Variants in ITPR1 observed in about 807,000 individuals in gnomAD.
The protein encoded by ITPR1 is inositol 1,4,5-trisphosphate receptor type 1, also known as inositol 1,4,5-trisphosphate-gated calcium channel ITPR1.
ITPR1 carries 96 observed loss-of-function variants against 318.4 expected under a neutral mutation model. The observed-to-expected ratio is 0.30, with a 90% confidence interval of 0.26 to 0.36. The LOEUF (loss-of-function observed/expected upper bound fraction) is 0.36. Ranked by LOEUF, ITPR1 falls within the 10% of genes least tolerant of loss-of-function variation. The pLI is 1.00. For missense variants in ITPR1, 2,440 were observed against 3,460.2 expected (o/e 0.71, Z 7.40); for synonymous variants, 1,312 against 1,289.9 (o/e 1.02, Z -0.37).
intron 4 of ITPR1, among the ~76,000 whole-genome samples, chr3:4,556,492 A>C (rs2086142557): frequency 3.4e-5 from 5 of 148,672 alleles, no homozygotes; most frequent in East Asian, 2.0e-4. Context: ...AACCCCTGGC[A>C]ACTACTGATT....
chr3:4,684,727 G>C (rs1217101509), intron 29 of ITPR1, among the ~76,000 whole-genome samples: 2 of 152,194 alleles, frequency 1.3e-5, no homozygotes, highest in East Asian at 1.9e-4. Flanking sequence ...GCGTACGCTG[G>C]TTCAAAGTTG....
At chr3:4,773,950 C>T (rs113986366) in intron 46 of ITPR1, among the ~76,000 whole-genome samples, 50 of 152,276 alleles carry the variant, frequency 3.3e-4, no homozygotes, top group Admixed American at 4.6e-4. Flanking sequence ...CAGCTCTTAA[C>T]CTGTGCATTT....
At chr3:4,773,563 G>A (rs2046315722) in intron 46 of ITPR1, among the ~76,000 whole-genome samples, 1 of 152,070 alleles carries the variant, frequency 6.6e-6, no homozygotes, top group Non-Finnish European at 1.5e-5. Flanking sequence ...AAATTCACTG[G>A]GAGCAGTAAC....
At chr3:4,557,581 T>C (rs1257871417) in intron 4 of ITPR1, among the ~76,000 whole-genome samples, 3 of 152,192 alleles carry the variant, frequency 2.0e-5, no homozygotes, top group African/African-American at 7.2e-5. Context: ...TGATGAAATA[T>C]TTTGGCTAAA....
At chr3:4,713,571 C>A (rs777805713) in intron 39 of ITPR1, among the ~76,000 whole-genome samples, 6 of 152,120 alleles carry the variant, frequency 3.9e-5, no homozygotes, top group Admixed American at 6.5e-5. Flanking sequence ...CTGCCCCTAC[C>A]CATTAGTGCC....
intron 5 of ITPR1, among the ~76,000 whole-genome samples, chr3:4,629,180 G>A (rs532776648): frequency 3.9e-5 from 6 of 152,210 alleles, no homozygotes; most frequent in South Asian, 4.1e-4. Flanking sequence ...CATTCTGGCC[G>A]TATGAGCTTT....
chr3:4,843,074 G>GTTTTTTTTTTTTTTTT (rs11404208), intron 61 of ITPR1, among the ~76,000 whole-genome samples: 11 of 105,444 alleles, frequency 1.0e-4, no homozygotes, highest in Admixed American at 1.1e-4. Context: ...GTTTTGAGGG[G>GTTTTTTTTTTTTTTTT]TTTTTTTTTT....
At chr3:4,720,674 C>T (rs1348041230) in intron 40 of ITPR1, among the ~76,000 whole-genome samples, 1 of 152,144 alleles carries the variant, frequency 6.6e-6, no homozygotes, top group Non-Finnish European at 1.5e-5. Context: ...TGCATTGCAA[C>T]AAAAAAGCTA....
At chr3:4,625,287 G>A (rs2092787798) in intron 4 of ITPR1, among the ~76,000 whole-genome samples, 1 of 149,256 alleles carries the variant, frequency 6.7e-6, no homozygotes, top group South Asian at 2.1e-4. Context: ...AGTTAATTAT[G>A]GATCATGACT....
In ITPR1 at chr3:4,753,169, C is replaced by T. The variant is rs571171659; in HGVS notation, c.5545-13361C>T. The stretch of plus-strand genomic sequence containing the variant: ...AGGAGCTGAGTGAAGGAAGCTAACG[C>T]GGTCTACCCCATGGTGGTCGGTCAG... On this transcript the variant is annotated intron_variant, in intron 44 of 61. Transcript: ENST00000649015. Among the ~76,000 whole-genome samples the T allele has an allele frequency of 6.5e-4, 99 of 152,188 alleles. 1 individual carries two copies. The highest frequency in any genetic ancestry group is 2.2e-3 in the African/African-American group (93 of 41,522).
intron 4 of ITPR1, among the ~76,000 whole-genome samples, chr3:4,608,828 C>T (rs997903295): frequency 4.6e-5 from 7 of 151,314 alleles, no homozygotes; most frequent in Non-Finnish European, 7.4e-5. Context: ...GTGGTGAAAC[C>T]TCATCTCTAC....
chr3:4,671,029 C>A, intron 20 of ITPR1, 103 bp downstream of exon 20: 1 of 793,092 alleles, frequency 1.3e-6, no homozygotes, highest in South Asian at 2.7e-5. Flanking sequence ...CACAAGGAGT[C>A]ATCTTGTAAG....
chr3:4,652,927 G>A (rs1412185233), intron 11 of ITPR1, among the ~76,000 whole-genome samples: 1 of 152,146 alleles, frequency 6.6e-6, no homozygotes, highest in African/African-American at 2.4e-5. Context: ...GGCAGAGGTT[G>A]CAGTGACCCG....
Position 4,766,657 on chromosome 3 carries a change from G to C in ITPR1, c.5672G>C (p.Gly1891Ala). 6.2e-7 allele frequency: 1 copy of C among 1,612,490 alleles called. No individual in the cohort carries two copies. Among genetic ancestry groups the C allele is most frequent in the Non-Finnish European group, 8.5e-7 (1 of 1,179,294 alleles). ...ATVTVNTSDL[G>A]NKKKDDEVDR... ...GTGACAGTGAACACCAGTGACTTGGGAAATAAAAAGAAAGACGATGAGGTA... is the reference window on the plus strand; with the variant it reads ...GTGACAGTGAACACCAGTGACTTGGCAAATAAAAAGAAAGACGATGAGGTA... The change falls in exon 45 of 62, where the codon GGA (glycine) becomes GCA (alanine). Residue 1891 changes from glycine to alanine, a missense_variant. Transcript: ENST00000649015.
chr3:4,726,501 G>T (rs1449185072), intron 41 of ITPR1, among the ~76,000 whole-genome samples: 1 of 152,208 alleles, frequency 6.6e-6, no homozygotes, highest in Non-Finnish European at 1.5e-5. Flanking sequence ...AATCACAGTA[G>T]TTCAAGCTAG....
chr3:4,749,880 G>T (rs1180334115), intron 44 of ITPR1: 1 of 152,732 alleles, frequency 6.5e-6, no homozygotes, highest in African/African-American at 2.4e-5. Context: ...GCCCTGATGG[G>T]CACTGGAGGG....
intron 4 of ITPR1, among the ~76,000 whole-genome samples, chr3:4,590,552 TTAC>T (rs2090315983): frequency 6.7e-6 from 1 of 149,474 alleles, no homozygotes; most frequent in Non-Finnish European, 1.5e-5. Context: ...TTAATTATAA[TTAC>T]TATTTTATTA....
chr3:4,613,985 A>G (rs539546057), intron 4 of ITPR1, among the ~76,000 whole-genome samples: 2 of 152,310 alleles, frequency 1.3e-5, no homozygotes, highest in African/African-American at 4.8e-5. Context: ...CCTGACAGAG[A>G]TAACCACTGT....
At position 4,546,180 on chromosome 3, in the gene ITPR1, C is replaced by T. The variant is rs78531456; in HGVS notation, c.163+25086C>T. 6.4e-3 allele frequency among the ~76,000 whole-genome samples: 976 copies of T among 152,150 alleles called. 22 individuals are homozygous for T. The East Asian group carries it at 0.087, about 14-fold the overall frequency. On this transcript the variant is annotated intron_variant, in intron 4 of 61. Coordinates refer to ENST00000649015, the MANE Select transcript of ITPR1 (RefSeq NM_001378452.1). ...AATGATGTAAATTTTTCCCCCTCTT[C>T]TTGAGTTCTTCTTGAGTTGGAAGAA...
Sources: gnomAD v4.1 joint callset for allele counts (sites outside exome capture counted in the v4.1 genomes callset) on GRCh38, gnomAD v4.1.1 for gene constraint, MANE v1.5 for transcripts, NCBI Gene and HGNC (gene_info 2026-07-23, HGNC 2026-07-21) for gene names.